Variants in CACNA2D1 observed in about 807,000 individuals in gnomAD.
CACNA2D1 encodes the protein voltage-dependent calcium channel subunit alpha-2/delta-1.
In CACNA2D1, 53 loss-of-function variants were observed where a neutral mutation model predicts 171.5. The observed-to-expected ratio is 0.31, with a 90% CI of 0.25 to 0.39. The LOEUF is 0.39. CACNA2D1 is among the 10% of genes least tolerant of loss of function. The pLI is 1.00. For missense variants in CACNA2D1, 903 were observed against 1,299.8 expected, an observed-to-expected ratio of 0.69 and a Z score of 4.69; for synonymous variants, 442 against 443.1, an observed-to-expected ratio of 1.00 and a Z score of 0.03.
chr7:81,973,295 G>A (rs560241876), intron 25 of CACNA2D1, among the ~76,000 whole-genome samples: 15 of 152,154 alleles, frequency 9.9e-5, no homozygotes, highest in African/African-American at 3.4e-4. Flanking sequence ...GTCTCAGTGA[G>A]CTTGCACTGA....
chr7:82,063,286 A>ATCT (rs1807177330), intron 9 of CACNA2D1, among the ~76,000 whole-genome samples: 1 of 152,180 alleles, frequency 6.6e-6, no homozygotes, highest in South Asian at 2.1e-4. Context: ...CTTAAGAAGA[A>ATCT]TATCAAGGAT....
intron 3 of CACNA2D1, among the ~76,000 whole-genome samples, chr7:82,204,990 G>A (rs140532412): frequency 9.8e-5 from 15 of 152,300 alleles, no homozygotes; most frequent in African/African-American, 3.4e-4. Context: ...TGCTTGGATC[G>A]GAGTCACTGT....
intron 24 of CACNA2D1, among the ~76,000 whole-genome samples, chr7:81,977,710 C>T (rs754123356): frequency 6.6e-6 from 1 of 152,146 alleles, no homozygotes; most frequent in African/African-American, 2.4e-5. Flanking sequence ...ACACCAAAAG[C>T]AATGGCAACA....
chr7:82,137,715 A>AAAAAAAAG, intron 4 of CACNA2D1, among the ~76,000 whole-genome samples: 1 of 115,838 alleles, frequency 8.6e-6, no homozygotes. Flanking sequence ...ACTAAAAAAA[A>AAAAAAAAG]AAAAAAAAAA....
intron 3 of CACNA2D1, among the ~76,000 whole-genome samples, chr7:82,193,508 A>T (rs1364681157): frequency 6.6e-5 from 10 of 152,126 alleles, no homozygotes; most frequent in Admixed American, 6.6e-5. Context: ...ACCAAAATGA[A>T]ATGTCTCATT....
chr7:82,215,610 CTA>C (rs1801020081), intron 3 of CACNA2D1, among the ~76,000 whole-genome samples: 1 of 152,040 alleles, frequency 6.6e-6, no homozygotes, highest in Non-Finnish European at 1.5e-5. Context: ...TCTTTTATAA[CTA>C]TTTTTTAAAT....
intron 20 of CACNA2D1, among the ~76,000 whole-genome samples, chr7:81,992,001 ATTT>A (rs11365736): frequency 2.2e-5 from 3 of 138,898 alleles, no homozygotes; most frequent in Non-Finnish European, 1.6e-5. Flanking sequence ...CGCCTGGCTC[ATTT>A]TTTTTTTTTT....
chr7:81,991,094 A>G (rs958799518), intron 21 of CACNA2D1, 91 bp downstream of exon 21: 1 of 733,358 alleles, frequency 1.4e-6, no homozygotes, highest in Non-Finnish European at 2.5e-6. Context: ...GAACTTTTCT[A>G]GTGAAAATCA....
chr7:82,147,776 A>G (rs1165135731), intron 4 of CACNA2D1, among the ~76,000 whole-genome samples: 1 of 152,208 alleles, frequency 6.6e-6, no homozygotes, highest in Non-Finnish European at 1.5e-5. Flanking sequence ...TGGTCAGTGA[A>G]TAACTTAGTT....
At chr7:82,217,910 A>ATTATTTATTTATTTAT (rs60997591) in intron 3 of CACNA2D1, among the ~76,000 whole-genome samples, 10,767 of 143,728 alleles carry the variant, frequency 0.075, 630 homozygotes, top group African/African-American at 0.15. Context: ...CCAAGACTAC[A>ATTATTTATTTATTTAT]TTATTTATTT....
intron 3 of CACNA2D1, among the ~76,000 whole-genome samples, chr7:82,189,147 C>T (rs981834156): frequency 6.6e-6 from 1 of 151,970 alleles, no homozygotes; most frequent in African/African-American, 2.4e-5. Flanking sequence ...AACAAACCTG[C>T]ACATGTACCC....
intron 24 of CACNA2D1, among the ~76,000 whole-genome samples, chr7:81,980,431 G>C (rs1584273504): frequency 6.6e-6 from 1 of 152,110 alleles, no homozygotes; most frequent in Non-Finnish European, 1.5e-5. Flanking sequence ...ATTGATAGCT[G>C]ATCTACAGGA....
At chr7:82,003,012 T>TAATTA (rs1260554064) in intron 18 of CACNA2D1, among the ~76,000 whole-genome samples, 6 of 152,172 alleles carry the variant, frequency 3.9e-5, no homozygotes, top group Non-Finnish European at 8.8e-5. Context: ...AAGATTTTGT[T>TAATTA]AGTATACTGT....
In CACNA2D1 at chr7:81,948,232, T is replaced by C. The variant is rs1443959202; in HGVS notation, c.*2160A>G. 2.6e-5 allele frequency: 4 copies of C among 151,898 alleles called. No homozygotes were observed. The highest frequency in any genetic ancestry group is 2.0e-4 in the Admixed American group (3 of 15,234). 9.4% of individuals were successfully genotyped at this position (151,898 alleles called of 1,614,324 possible). Reference sequence around the variant, plus strand: ...ATGATTTAAGATAGTCTAGCAAAAATTGAACAATAACTTTTAAATATTTAA... The same window carrying C: ...ATGATTTAAGATAGTCTAGCAAAAACTGAACAATAACTTTTAAATATTTAA... On this transcript the variant is annotated 3_prime_UTR_variant, in exon 39 of 39. Transcript: ENST00000356860.
intron 3 of CACNA2D1, among the ~76,000 whole-genome samples, chr7:82,184,980 T>G (rs1797512716): frequency 1.3e-5 from 2 of 152,200 alleles, no homozygotes; most frequent in Admixed American, 1.3e-4. Flanking sequence ...TGAGCTCCCT[T>G]AAGTCACCAG....
At chr7:81,961,603 CTA>C (rs1794126770) in intron 36 of CACNA2D1, among the ~76,000 whole-genome samples, 1 of 151,552 alleles carries the variant, frequency 6.6e-6, no homozygotes, top group African/African-American at 2.4e-5. Flanking sequence ...TCAAATTTCT[CTA>C]TGTTCTGCCT....
chr7:82,289,176 C>T (rs538733442), intron 3 of CACNA2D1, among the ~76,000 whole-genome samples: 39 of 151,948 alleles, frequency 2.6e-4, no homozygotes, highest in Non-Finnish European at 5.2e-4. Context: ...TTATCAAATG[C>T]AAAAAAGTAC....
At chr7:82,033,488 T>C (rs1289386252) in intron 11 of CACNA2D1, among the ~76,000 whole-genome samples, 1 of 152,120 alleles carries the variant, frequency 6.6e-6, no homozygotes, top group Non-Finnish European at 1.5e-5. Context: ...TTCAATCCAC[T>C]TTCAAATAAG....
rs1821431047 is a variant in CACNA2D1, at chr7:82,364,292, G to T, written c.96-14643C>A. On this transcript the variant is annotated intron_variant, in intron 1 of 38. Transcript: ENST00000356860. Reference sequence around the variant, plus strand: ...CACTGCAGCTGGAGACAAGAACATAGCAAATGTCAAAGATAGAGCAAATCA... The same window carrying T: ...CACTGCAGCTGGAGACAAGAACATATCAAATGTCAAAGATAGAGCAAATCA... 2.0e-5 allele frequency among the ~76,000 whole-genome samples: 3 copies of T among 152,184 alleles called. No homozygotes were observed. The South Asian group carries it at 6.2e-4, about 31-fold the overall frequency.
Sources: gnomAD v4.1 joint callset for allele counts (sites outside exome capture counted in the v4.1 genomes callset) on GRCh38, gnomAD v4.1.1 for gene constraint, MANE v1.5 for transcripts, NCBI Gene and HGNC (gene_info 2026-07-23, HGNC 2026-07-21) for gene names.